ADCY2: variants seen among roughly 807,000 people sequenced by gnomAD.
ADCY2 encodes the protein adenylate cyclase 2.
ADCY2 carries 31 observed loss-of-function variants against 125.2 expected under a neutral mutation model. That is an observed-to-expected ratio of 0.25 (90% CI 0.19 to 0.33). ADCY2 has a LOEUF of 0.33. Ranked by LOEUF, ADCY2 falls within the 10% of genes least tolerant of loss-of-function variation. The probability of loss-of-function intolerance (pLI) is 1.00; values close to 1 mark genes in which losing one functional copy is unlikely to be tolerated. For missense variants in ADCY2, 904 were observed against 1,418.2 expected (o/e 0.64, Z 5.82); for synonymous variants, 512 against 548.4 (o/e 0.93, Z 0.93).
At chr5:7,455,682 A>G (rs1741642187) in intron 2 of ADCY2, among the ~76,000 whole-genome samples, 1 of 147,460 alleles carries the variant, frequency 6.8e-6, no homozygotes, top group Non-Finnish European at 1.5e-5. Context: ...TAATACATAC[A>G]TTTTGTTATA....
At chr5:7,598,573 A>G (rs746881990) in intron 3 of ADCY2, among the ~76,000 whole-genome samples, 6 of 152,172 alleles carry the variant, frequency 3.9e-5, no homozygotes, top group Non-Finnish European at 5.9e-5. Context: ...TTCATTATAC[A>G]TAGGGTAGTT....
intron 3 of ADCY2, among the ~76,000 whole-genome samples, chr5:7,622,520 A>G (rs1001015521): frequency 6.6e-6 from 1 of 152,220 alleles, no homozygotes. Flanking sequence ...ATTCTTTCCC[A>G]TTATCTACAG....
chr5:7,543,917 G>A (rs925971899), intron 3 of ADCY2, among the ~76,000 whole-genome samples: 4 of 151,134 alleles, frequency 2.6e-5, no homozygotes, highest in African/African-American at 7.3e-5. Context: ...GGGAGGCTGA[G>A]GCAGGAGAAT....
intron 4 of ADCY2, among the ~76,000 whole-genome samples, chr5:7,630,306 G>T (rs890428395): frequency 6.6e-6 from 1 of 152,122 alleles, no homozygotes; most frequent in Admixed American, 6.5e-5. Flanking sequence ...GTGATAGCAG[G>T]TATTATAACG....
intron 12 of ADCY2, among the ~76,000 whole-genome samples, chr5:7,721,446 G>T (rs947829144): frequency 1.3e-5 from 2 of 152,156 alleles, no homozygotes; most frequent in African/African-American, 4.8e-5. Context: ...CATCACTTTT[G>T]GTGTTTTAGT....
At chr5:7,768,153 G>T (rs1021789016) in intron 17 of ADCY2, among the ~76,000 whole-genome samples, 1 of 152,196 alleles carries the variant, frequency 6.6e-6, no homozygotes, top group African/African-American at 2.4e-5. Flanking sequence ...TTGGGAAGAG[G>T]GGGGTGCTAT....
intron 3 of ADCY2, among the ~76,000 whole-genome samples, chr5:7,560,543 T>C (rs1735676459): frequency 6.6e-6 from 1 of 152,196 alleles, no homozygotes; most frequent in Non-Finnish European, 1.5e-5. Context: ...TGACCCTTTA[T>C]GCACATGTCT....
At chr5:7,666,588 G>A (rs1454764574) in intron 4 of ADCY2, among the ~76,000 whole-genome samples, 1 of 152,156 alleles carries the variant, frequency 6.6e-6, no homozygotes, top group African/African-American at 2.4e-5. Context: ...TTCTTTATGG[G>A]TCTGATGATG....
intron 15 of ADCY2, among the ~76,000 whole-genome samples, chr5:7,748,701 A>G (rs115129227): frequency 3.9e-5 from 6 of 152,292 alleles, no homozygotes; most frequent in African/African-American, 1.2e-4. Flanking sequence ...AATCCAAACT[A>G]TTTATGATGG....
At chr5:7,583,541 T>C (rs1038297917) in intron 3 of ADCY2, among the ~76,000 whole-genome samples, 1 of 151,986 alleles carries the variant, frequency 6.6e-6, no homozygotes, top group African/African-American at 2.4e-5. Context: ...GAAATGCAAA[T>C]TGAAACCAGA....
chr5:7,447,582 C>A (rs926825694), intron 2 of ADCY2, among the ~76,000 whole-genome samples: 15 of 152,200 alleles, frequency 9.9e-5, no homozygotes, highest in African/African-American at 3.6e-4. Flanking sequence ...GTCTGCCTTT[C>A]TTCTAGCAGA....
intron 4 of ADCY2, among the ~76,000 whole-genome samples, chr5:7,641,673 TCTCCTCC>T (rs1253803989): frequency 1.3e-5 from 2 of 152,116 alleles, no homozygotes; most frequent in African/African-American, 2.4e-5. Context: ...CCTCTGCCTC[TCTCCTCC>T]CTCCTCCCTC....
rs762256972 is a variant in ADCY2 at position 7,396,467 on chromosome 5, C to A, written c.171C>A (p.Ser57=). Residue 57 remains serine (S), a synonymous_variant, in exon 1 of 25, where the codon TCC becomes TCA. Transcript: ENST00000338316. This position sits in a 1 kb window ranked among gnomAD's most constrained non-coding sequence, Gnocchi z 5.7. The part of the protein sequence containing the change: ...IVFLLLIVMG[S]CLALLAVFFA... ...TCCTGCTGCTCATCGTCATGGGCTCCTGCCTCGCCCTGCTCGCCGTCTTCT... is the reference window on the plus strand; with the variant it reads ...TCCTGCTGCTCATCGTCATGGGCTCATGCCTCGCCCTGCTCGCCGTCTTCT... 2.5e-6 allele frequency: 4 copies of A among 1,571,344 alleles called. No individual in the cohort carries two copies. The highest frequency in any genetic ancestry group is 3.5e-6 in the Non-Finnish European group (4 of 1,159,348).
At chr5:7,807,303 A>G (rs1744786753) in intron 22 of ADCY2, among the ~76,000 whole-genome samples, 2 of 152,204 alleles carry the variant, frequency 1.3e-5, no homozygotes, top group African/African-American at 4.8e-5. Context: ...CTGAGAGTCC[A>G]TAGCCACTGC....
At chr5:7,786,064 A>G (rs1298311064) in intron 19 of ADCY2, among the ~76,000 whole-genome samples, 1 of 152,226 alleles carries the variant, frequency 6.6e-6, no homozygotes, top group East Asian at 1.9e-4. Flanking sequence ...AGTGTAGCAA[A>G]AAGTAATATT....
intron 22 of ADCY2, among the ~76,000 whole-genome samples, chr5:7,814,419 G>A (rs956557793): frequency 2.0e-5 from 3 of 151,898 alleles, no homozygotes; most frequent in African/African-American, 7.3e-5. Flanking sequence ...TGCCCCTGCC[G>A]TCCAGTAGGC....
intron 4 of ADCY2, among the ~76,000 whole-genome samples, chr5:7,658,751 G>A (rs559489050): frequency 2.6e-4 from 40 of 152,290 alleles, no homozygotes; most frequent in South Asian, 8.3e-4. Context: ...ACAATTATAG[G>A]GGCTGGCAAT....
chr5:7,476,498 G>A lies in ADCY2; in HGVS notation c.409-44240G>A, dbSNP rs551564791. 5.9e-5 allele frequency among the ~76,000 whole-genome samples: 9 copies of A among 152,284 alleles called. 1 individual carries two copies. In the South Asian group the frequency reaches 1.9e-3, roughly 32 times the overall value. ...GGAAGAAAGTCAAAATGTAGCCCTG[G>A]AACATGTGTGTGCCCTAAACACTGG... On this transcript the variant is annotated intron_variant, in intron 2 of 24. Coordinates refer to ENST00000338316, the MANE Select transcript of ADCY2 (RefSeq NM_020546.3).
intron 3 of ADCY2, among the ~76,000 whole-genome samples, chr5:7,619,280 A>G (rs1031525443): frequency 6.6e-6 from 1 of 152,190 alleles, no homozygotes; most frequent in African/African-American, 2.4e-5. Context: ...CATGCTTTGT[A>G]GTCTATAGGT....
Sources: allele counts gnomAD v4.1 joint callset (sites outside exome capture counted in the v4.1 genomes callset), GRCh38; gene constraint gnomAD v4.1.1; non-coding constraint Gnocchi (gnomAD v3.1); transcripts MANE v1.5; gene names NCBI Gene and HGNC (gene_info 2026-07-23, HGNC 2026-07-21).